RBPJ: variants seen among roughly 807,000 people sequenced by gnomAD.
RBPJ encodes the protein recombination signal binding protein for immunoglobulin kappa J region, also known as recombining binding protein suppressor of hairless.
RBPJ carries 9 observed loss-of-function variants against 67.8 expected under a neutral mutation model. That is an observed-to-expected ratio of 0.13 (90% CI 0.08 to 0.23). The LOEUF (loss-of-function observed/expected upper bound fraction) is 0.23. Among genes scored for constraint, RBPJ ranks in the 10% least tolerant of loss-of-function variants. The probability of loss-of-function intolerance (pLI) is 1.00; values close to 1 mark genes in which losing one functional copy is unlikely to be tolerated. For missense variants in RBPJ, 305 were observed against 595.6 expected (o/e 0.51, Z 5.08); for synonymous variants, 198 against 203.3 (o/e 0.97, Z 0.22).
chr4:26,312,426 C>T (rs1316226113), intron 1 of RBPJ, among the ~76,000 whole-genome samples: 3 of 151,986 alleles, frequency 2.0e-5, no homozygotes, highest in Non-Finnish European at 2.9e-5. Context: ...CCACCATGCC[C>T]GGCCACCAGG....
At chr4:26,331,890 G>A (rs570728436) in intron 1 of RBPJ, among the ~76,000 whole-genome samples, 1 of 152,338 alleles carries the variant, frequency 6.6e-6, no homozygotes, top group East Asian at 1.9e-4. Flanking sequence ...TGAAAAGAAA[G>A]AAGGCTGTCA....
chr4:26,255,383 G>C (rs1281341651), intron 1 of RBPJ, among the ~76,000 whole-genome samples: 2 of 86,870 alleles, frequency 2.3e-5, no homozygotes, highest in South Asian at 8.1e-4. Context: ...CAGCCTGGGC[G>C]ACAGAGCGAG....
chr4:26,126,475 G>T, the RBPJ span, among the ~76,000 whole-genome samples: 1 of 152,220 alleles, frequency 6.6e-6, no homozygotes, highest in Non-Finnish European at 1.5e-5. Context: ...GCACAGGTGG[G>T]CATATGACTA....
At chr4:26,309,258 A>G (rs762161924) in intron 1 of RBPJ, among the ~76,000 whole-genome samples, 1 of 151,356 alleles carries the variant, frequency 6.6e-6, no homozygotes, top group Non-Finnish European at 1.5e-5. Context: ...CATAAGCGAT[A>G]CTCCTGCCTT....
intron 7 of RBPJ, chr4:26,425,132 A>G (rs984859941): frequency 1.6e-5 from 4 of 242,598 alleles, no homozygotes; most frequent in African/African-American, 6.6e-5. Flanking sequence ...ATGTAGGACC[A>G]AGTTTGCAAA....
chr4:26,287,552 C>CGGAAA (rs759173409), intron 1 of RBPJ, among the ~76,000 whole-genome samples: 4,030 of 68,770 alleles, frequency 0.059, 389 homozygotes, highest in East Asian at 0.13. Flanking sequence ...GACCTTGCCT[C>CGGAAA]GGAAAGGAAA....
intron 1 of RBPJ, among the ~76,000 whole-genome samples, chr4:26,262,777 C>G (rs1209838737): frequency 6.6e-6 from 1 of 152,182 alleles, no homozygotes; most frequent in African/African-American, 2.4e-5. Context: ...TTGGGACATC[C>G]CTTTTATGGT....
At chr4:26,282,025 A>G (rs1721288989) in intron 1 of RBPJ, among the ~76,000 whole-genome samples, 3 of 152,168 alleles carry the variant, frequency 2.0e-5, no homozygotes, top group African/African-American at 7.2e-5. Flanking sequence ...TTTTCATGCA[A>G]ACTTTATGTG....
intron 1 of RBPJ, among the ~76,000 whole-genome samples, chr4:26,282,924 CTTTTTTTTTT>C (rs67501530): frequency 7.6e-4 from 47 of 61,660 alleles, no homozygotes; most frequent in African/African-American, 3.2e-3. Flanking sequence ...AGTGTAGATT[CTTTTTTTTTT>C]TTTTTTTTTT....
At chr4:26,110,928 A>G in the RBPJ span, among the ~76,000 whole-genome samples, 2 of 152,256 alleles carry the variant, frequency 1.3e-5, no homozygotes, top group Non-Finnish European at 2.9e-5. The surrounding 1 kb of genome is among the most constrained non-coding windows in gnomAD (Gnocchi z 4.5). Flanking sequence ...CTTATTCCCA[A>G]TATTTTGTTA....
At chr4:26,331,202 A>G (rs1724214415) in intron 1 of RBPJ, among the ~76,000 whole-genome samples, 1 of 152,100 alleles carries the variant, frequency 6.6e-6, no homozygotes, top group African/African-American at 2.4e-5. Context: ...CCGAGCTCGT[A>G]ATCATCCCAC....
chr4:26,355,625 A>C (rs901036404), intron 1 of RBPJ, among the ~76,000 whole-genome samples: 1 of 152,144 alleles, frequency 6.6e-6, no homozygotes. Context: ...GCAACAGAGC[A>C]AGACCCCATC....
In RBPJ at chr4:26,215,274, A is replaced by AGAGAGG. The variant is rs1174307685; in HGVS notation, c.-167+51660_-167+51661insGAGAGG. Among the ~76,000 whole-genome samples, 6 of 83,896 alleles carry AGAGAGG rather than the reference A, an allele frequency of 7.2e-5. 1 individual carries two copies. Among genetic ancestry groups the AGAGAGG allele is most frequent in the South Asian group, 4.1e-4 (1 of 2,462 alleles). The allele number at this position is 83,896 out of a possible 152,430, so 55.0% of individuals were successfully genotyped here. A position where few individuals can be genotyped will look rare whatever the true frequency, so the allele number is the denominator to read the frequency against. On this transcript the variant is annotated intron_variant, in intron 1 of 4. Coordinates refer to the RBPJ transcript ENST00000512351. ...AAGAAAGAAAGGAAGGGAGGGAGGA[A>AGAGAGG]AAAGAGAGAGAAAGAAAGAGAAAAA...
chr4:26,279,785 C>CTT (rs1026614295), intron 1 of RBPJ, among the ~76,000 whole-genome samples: 160 of 116,626 alleles, frequency 1.4e-3, no homozygotes, highest in East Asian at 0.011. Context: ...TTGAAATTGT[C>CTT]TTTTTTTTTT....
At chr4:26,367,496 A>T (rs1406193349) in intron 1 of RBPJ, among the ~76,000 whole-genome samples, 2 of 152,164 alleles carry the variant, frequency 1.3e-5, no homozygotes, top group Non-Finnish European at 2.9e-5. Flanking sequence ...AAAACCTCTC[A>T]GTTTCACTTT....
intron 7 of RBPJ, among the ~76,000 whole-genome samples, chr4:26,427,441 A>G (rs1735791762): frequency 6.6e-6 from 1 of 152,190 alleles, no homozygotes; most frequent in Admixed American, 6.5e-5. Context: ...GTCTGGAGAT[A>G]ATAAATTTGG....
chr4:26,143,496 C>G, the RBPJ span, among the ~76,000 whole-genome samples: 6 of 152,346 alleles, frequency 3.9e-5, no homozygotes, highest in Admixed American at 3.9e-4. Context: ...CTGCAGCCAG[C>G]ATCATGTGGA....
At chr4:26,146,854 A>G in the RBPJ span, among the ~76,000 whole-genome samples, 1 of 152,232 alleles carries the variant, frequency 6.6e-6, no homozygotes, top group East Asian at 1.9e-4. Flanking sequence ...GAAAAGCAAA[A>G]CAAAATAAAA....
intron 1 of RBPJ, among the ~76,000 whole-genome samples, chr4:26,212,560 A>G (rs183298117): frequency 2.0e-3 from 297 of 145,996 alleles, no homozygotes; most frequent in Middle Eastern, 3.6e-3. Context: ...TTCTTTTTTC[A>G]CATACTGCTT....
Sources: allele counts gnomAD v4.1 joint callset (sites outside exome capture counted in the v4.1 genomes callset), GRCh38; gene constraint gnomAD v4.1.1; non-coding constraint Gnocchi (gnomAD v3.1); transcripts MANE v1.5; gene names NCBI Gene and HGNC (gene_info 2026-07-23, HGNC 2026-07-21).